The following ZFPM1 variants were observed in gnomAD, a reference collection of about 807,000 sequenced individuals.
ZFPM1 encodes zinc finger protein, FOG family member 1, also known as zinc finger protein ZFPM1.
ZFPM1 carries 28 observed loss-of-function variants against 46.3 expected under a neutral mutation model. The observed-to-expected ratio is 0.60, with a 90% confidence interval of 0.45 to 0.83. The LOEUF is 0.83. Among genes scored for constraint, ZFPM1 ranks in the 40% least tolerant of loss-of-function variants. The pLI is 0.00. For synonymous variants in ZFPM1, 957 were observed against 675.9 expected (o/e 1.42, Z -6.45); for missense variants, 1,878 against 1,432.4 (o/e 1.31, Z -5.02).
At chr16:88,527,750 C>G (rs962061486) in intron 5 of ZFPM1, among the ~76,000 whole-genome samples, 3 of 151,818 alleles carry the variant, frequency 2.0e-5, no homozygotes, top group African/African-American at 7.3e-5. Flanking sequence ...CCCCTAGTTA[C>G]TCCACCACCC....
intron 3 of ZFPM1, among the ~76,000 whole-genome samples, chr16:88,492,097 C>A (rs1260365500): frequency 6.6e-6 from 1 of 152,028 alleles, no homozygotes; most frequent in African/African-American, 2.4e-5. Flanking sequence ...TCTCTCTCCC[C>A]ATCCCTCCTC....
rs550842252 is a variant in ZFPM1, at chr16:88,480,036, G to T, written c.41-5903G>T. On this transcript the variant is annotated intron_variant, in intron 1 of 9. Transcript: ENST00000319555. The surrounding 1 kb of genome is among the most constrained non-coding windows in gnomAD (Gnocchi z 4.9). ...TGCCAACACCTGGCTGAGTCCTAAC[G>T]CCAGCCTTTGGCAAGACAGTTTGAT... 9.0e-4 allele frequency among the ~76,000 whole-genome samples: 137 copies of T among 151,938 alleles called. 1 individual carries two copies. The highest frequency in any genetic ancestry group is 2.6e-3 in the African/African-American group (109 of 41,370).
At chr16:88,517,298 GTGGA>G (rs1464884783) in intron 4 of ZFPM1, among the ~76,000 whole-genome samples, 2 of 145,534 alleles carry the variant, frequency 1.4e-5, no homozygotes, top group Non-Finnish European at 3.0e-5. Flanking sequence ...GGATGAGTGG[GTGGA>G]TGGACAGATG....
chr16:88,533,592 A>G lies in ZFPM1; in HGVS notation c.1634A>G (p.Lys545Arg). 2 of 1,497,100 alleles carry G rather than the reference A, an allele frequency of 1.3e-6. No individual in the cohort carries two copies. The highest frequency in any genetic ancestry group is 1.5e-5 in the African/African-American group (1 of 67,652). 92.7% of individuals were successfully genotyped at this position (1,497,100 alleles called of 1,614,324 possible). A position where few individuals can be genotyped will look rare whatever the true frequency, so the allele number is the denominator to read the frequency against. ...AAPPASEILA[K>R]MSELVHSRLQ... Reference sequence around the variant, plus strand: ...CCCCCCGCCTCGGAGATCCTGGCCAAGATGTCCGAGCTGGTGCACAGCCGG... The same window carrying G: ...CCCCCCGCCTCGGAGATCCTGGCCAGGATGTCCGAGCTGGTGCACAGCCGG... The change falls in exon 10 of 10, where the codon AAG becomes AGG. Residue 545 changes from lysine (K) to arginine (R), a missense_variant. Coordinates refer to ENST00000319555, the MANE Select transcript of ZFPM1 (RefSeq NM_153813.3).
chr16:88,500,899 T>TGTCCTCACCTGACCGACA (rs1376961181), intron 3 of ZFPM1, among the ~76,000 whole-genome samples: 1 of 152,236 alleles, frequency 6.6e-6, no homozygotes, highest in Admixed American at 6.5e-5. Flanking sequence ...GGCACCTCGG[T>TGTCCTCACCTGACCGACA]GTCCTCACCT....
rs745330295 is a variant in ZFPM1, at chr16:88,489,128, G to T, written c.243G>T (p.Glu81Asp). 1 of 1,608,954 alleles carries T rather than the reference G, an allele frequency of 6.2e-7. No individual in the cohort carries two copies. The highest frequency in any genetic ancestry group is 1.1e-5 in the South Asian group (1 of 90,568). ...QEPEPRPTEE[E>D]PGSPWSGPDE... ...CAGAACCCAGGCCCACGGAGGAAGA[G>T]CCGGGCAGTCCCTGGAGCGGGCCAG... Residue 81 changes from glutamate (E) to aspartate (D), a missense_variant, in exon 3 of 10, where the codon GAG becomes GAT. Physicochemically the swap from Glu to Asp is conservative, Grantham distance 45. Coordinates refer to ENST00000319555, the MANE Select transcript of ZFPM1 (RefSeq NM_153813.3).
At chr16:88,520,695 A>G (rs1164601422) in intron 4 of ZFPM1, among the ~76,000 whole-genome samples, 17 of 31,548 alleles carry the variant, frequency 5.4e-4, no homozygotes, top group Admixed American at 8.8e-4. Flanking sequence ...ATGGATTATT[A>G]GGTGGATGGG....
rs1452418429 is a variant in ZFPM1, at chr16:88,497,197, G to A, written c.268+8044G>A. Among the ~76,000 whole-genome samples, 1 of 152,252 alleles carries A rather than the reference G, an allele frequency of 6.6e-6. No homozygotes were observed. The highest frequency in any genetic ancestry group is 1.5e-5 in the Non-Finnish European group (1 of 68,044). On this transcript the variant is annotated intron_variant, in intron 3 of 9. Coordinates refer to ENST00000319555, the MANE Select transcript of ZFPM1 (RefSeq NM_153813.3). The surrounding 1 kb of genome is among the most constrained non-coding windows in gnomAD (Gnocchi z 5.4). ...CATGTCCCCAGGGCACTGCTGGCCA[G>A]TAGAAGGGATGCCCGAGTGTCAGGC...
Position 88,501,335 on chromosome 16 carries a change from GGGGCCCTCC to G in ZFPM1, c.268+12183_268+12191del, listed in dbSNP as rs1567541236. 3.7e-4 allele frequency among the ~76,000 whole-genome samples: 18 copies of G among 48,898 alleles called. 3 individuals carry two copies. Among genetic ancestry groups the G allele is most frequent in the African/African-American group, 1.7e-3 (15 of 8,622 alleles). The allele number at this position is 48,898 out of a possible 152,430, so 32.1% of individuals were successfully genotyped here. A position where few individuals can be genotyped will look rare whatever the true frequency, so the allele number is the denominator to read the frequency against. ...TGATGGAGATAGCAGACATGGGTGC[GGGGCCCTCC>G]CGCAGGTGCTGGTGATGATGGAGAT... On this transcript the variant is annotated intron_variant, in intron 3 of 9. Coordinates refer to ENST00000319555, the MANE Select transcript of ZFPM1 (RefSeq NM_153813.3).
intron 3 of ZFPM1, among the ~76,000 whole-genome samples, chr16:88,495,124 G>A (rs1909862969): frequency 6.6e-6 from 1 of 152,224 alleles, no homozygotes; most frequent in Non-Finnish European, 1.5e-5. Context: ...TCGGAAAATG[G>A]AGGCGCTCAG....
chr16:88,529,835 G>A (rs936456410), intron 6 of ZFPM1, among the ~76,000 whole-genome samples: 4 of 152,250 alleles, frequency 2.6e-5, no homozygotes, highest in South Asian at 4.1e-4. Flanking sequence ...GCTGGCCAGA[G>A]GGGGATGGGC....
chr16:88,509,682 G>A (rs554108042), intron 3 of ZFPM1, among the ~76,000 whole-genome samples: 5 of 152,232 alleles, frequency 3.3e-5, no homozygotes, highest in Non-Finnish European at 4.4e-5. Context: ...CCAGGGAGGC[G>A]GGCGACTGAG....
chr16:88,526,799 ACCCTC>A lies in ZFPM1; in HGVS notation c.403-11_403-7del, dbSNP rs1912365903. On this transcript the variant is annotated splice_polypyrimidine_tract_variant and intron_variant, in intron 4 of 9. Transcript: ENST00000319555. ...GACGGACCCCTCCCCACGTGTTCCT[ACCCTC>A]CCCCCCCAGAGCCCAGCCCTGACCC... 18 of 1,195,260 alleles carry A rather than the reference ACCCTC, an allele frequency of 1.5e-5. No homozygotes were observed. Among genetic ancestry groups the A allele is most frequent in the African/African-American group, 4.9e-5 (2 of 40,866 alleles). The allele number at this position is 1,195,260 out of a possible 1,614,324, so 74.0% of individuals were successfully genotyped here. A position where few individuals can be genotyped will look rare whatever the true frequency, so the allele number is the denominator to read the frequency against.
Position 88,497,043 on chromosome 16 carries a change from A to G in ZFPM1, c.268+7890A>G, listed in dbSNP as rs1043504861. ...CCTGCTCCTGGCTCGCTCCACCCGT[A>G]AGTGCCTCAGGACCTGGAGCTCTCC... On this transcript the variant is annotated intron_variant, in intron 3 of 9. Transcript: ENST00000319555. The surrounding 1 kb of genome is among the most constrained non-coding windows in gnomAD (Gnocchi z 5.4). Among the ~76,000 whole-genome samples the G allele has an allele frequency of 2.0e-5, 3 of 152,142 alleles. No individual in the cohort carries two copies. Among genetic ancestry groups the G allele is most frequent in the Non-Finnish European group, 4.4e-5 (3 of 68,018 alleles).
At position 88,533,338 on chromosome 16, in the gene ZFPM1, G is replaced by C; in HGVS notation, c.1380G>C (p.Arg460Ser). Reference sequence around the variant, plus strand: ...GCAGCGAGCCCCCGGCGGCCCCCAGGAGCATCAAGGTGGAGGCGGTGGAGG... The same window carrying C: ...GCAGCGAGCCCCCGGCGGCCCCCAGCAGCATCAAGGTGGAGGCGGTGGAGG... Reference protein sequence around the residue: ...GGSSEPPAAPRSIKVEAVEEP... With the variant: ...GGSSEPPAAPSSIKVEAVEEP... The change falls in exon 10 of 10, where the codon AGG becomes AGC. Residue 460 changes from arginine (R) to serine (S), a missense_variant. Transcript: ENST00000319555. 1 of 1,532,572 alleles carries C rather than the reference G, an allele frequency of 6.5e-7. No homozygotes were observed. The highest frequency in any genetic ancestry group is 8.7e-7 in the Non-Finnish European group (1 of 1,143,390). 94.9% of individuals were successfully genotyped at this position (1,532,572 alleles called of 1,614,324 possible).
intron 4 of ZFPM1, among the ~76,000 whole-genome samples, chr16:88,523,624 C>T (rs544196728): frequency 6.1e-4 from 93 of 152,354 alleles, no homozygotes; most frequent in African/African-American, 2.1e-3. Flanking sequence ...CAGGGTGGCC[C>T]CTGCATCCTC....
At chr16:88,479,630 A>T (rs1908837946) in intron 1 of ZFPM1, among the ~76,000 whole-genome samples, 1 of 151,896 alleles carries the variant, frequency 6.6e-6, no homozygotes, top group Non-Finnish European at 1.5e-5. Flanking sequence ...TCTGTCTGTT[A>T]TCAGGGCCTT....
At position 88,533,436 on chromosome 16, in the gene ZFPM1, G is replaced by T; in HGVS notation, c.1478G>T (p.Arg493Leu). Reference protein sequence around the residue: ...PQAPSRTPSPRSPAPARVKAE... With the variant: ...PQAPSRTPSPLSPAPARVKAE... The stretch of plus-strand genomic sequence containing the variant: ...GCCCCGTCGCGGACGCCGTCGCCGC[G>T]CAGCCCCGCCCCGGCCAGGGTCAAG... Residue 493 changes from arginine to leucine, a missense_variant, in exon 10 of 10, where the codon CGC becomes CTC. Arg to Leu is a moderately radical substitution (Grantham distance 102, BLOSUM62 -2). Coordinates refer to ENST00000319555, the MANE Select transcript of ZFPM1 (RefSeq NM_153813.3). The T allele has an allele frequency of 6.8e-7, 1 of 1,460,740 alleles. No individual in the cohort carries two copies. Among genetic ancestry groups the T allele is most frequent in the African/African-American group, 1.5e-5 (1 of 66,960 alleles). 90.5% of individuals were successfully genotyped at this position (1,460,740 alleles called of 1,614,324 possible). A position where few individuals can be genotyped will look rare whatever the true frequency, so the allele number is the denominator to read the frequency against.
chr16:88,533,845 C>A lies in ZFPM1; in HGVS notation c.1887C>A (p.Pro629=). The change falls in exon 10 of 10, where the codon CCC becomes CCA. Residue 629 remains proline (P), a synonymous_variant. Transcript: ENST00000319555. ...CGGCCCGCGCGCCCCCCGGCCAGCC[C>A]GCCGAACCCGACGCGCCGCGCTCGT... ...PGPARAPPGQ[P]AEPDAPRSSP... is the part of the protein sequence containing the mutation. The A allele has an allele frequency of 2.0e-6, 2 of 985,848 alleles. No homozygotes were observed. Among genetic ancestry groups the A allele is most frequent in the Non-Finnish European group, 2.4e-6 (2 of 831,296 alleles). 61.1% of individuals were successfully genotyped at this position (985,848 alleles called of 1,614,324 possible).
Sources: gnomAD v4.1 joint callset for allele counts (sites outside exome capture counted in the v4.1 genomes callset) on GRCh38, gnomAD v4.1.1 for gene constraint, Gnocchi (gnomAD v3.1) non-coding constraint, MANE v1.5 for transcripts, NCBI Gene and HGNC (gene_info 2026-07-23, HGNC 2026-07-21) for gene names.